The following GRID2 variants were observed in gnomAD, a reference collection of about 807,000 sequenced individuals.
GRID2 encodes glutamate ionotropic receptor delta type subunit 2.
A neutral mutation model predicts 114.8 loss-of-function variants in GRID2; 33 were observed. The ratio of observed to expected loss-of-function variants is 0.29; its 90% CI spans 0.22 to 0.38. The LOEUF is 0.38. Ranked by LOEUF, GRID2 falls within the 10% of genes least tolerant of loss-of-function variation. The pLI is 1.00. For missense variants in GRID2, 1,184 were observed against 1,257.7 expected, an observed-to-expected ratio of 0.94 and a Z score of 0.89; for synonymous variants, 505 against 449.9, an observed-to-expected ratio of 1.12 and a Z score of -1.55.
chr4:93,433,343 A>G (rs1033105529), intron 10 of GRID2, among the ~76,000 whole-genome samples: 4 of 152,184 alleles, frequency 2.6e-5, no homozygotes, highest in Non-Finnish European at 5.9e-5. Flanking sequence ...AGAAGATGCT[A>G]TTGTGAGGTT....
At chr4:92,321,258 T>G (rs1160972870) in intron 1 of GRID2, among the ~76,000 whole-genome samples, 1 of 152,126 alleles carries the variant, frequency 6.6e-6, no homozygotes, top group Non-Finnish European at 1.5e-5. Flanking sequence ...CCACCTCCCC[T>G]AGAAGACTCC....
chr4:92,645,800 T>G (rs1170926636), intron 2 of GRID2, among the ~76,000 whole-genome samples: 1 of 151,790 alleles, frequency 6.6e-6, no homozygotes, highest in Non-Finnish European at 1.5e-5. Flanking sequence ...ATTGATAGTA[T>G]TTTTTCATCA....
chr4:92,583,816 T>G lies in GRID2; in HGVS notation c.89-6315T>G, dbSNP rs1217733705. 4.0e-5 allele frequency among the ~76,000 whole-genome samples: 6 copies of G among 150,376 alleles called. No homozygotes were observed. In the East Asian group the frequency reaches 1.2e-3, roughly 29 times the overall value. ...TGTGAGTATGTAATAAATGTACCTATTTGTGCATGTGTAATATAAATATAT... is the reference window on the plus strand; with the variant it reads ...TGTGAGTATGTAATAAATGTACCTAGTTGTGCATGTGTAATATAAATATAT... On this transcript the variant is annotated intron_variant, in intron 1 of 15. Transcript: ENST00000282020.
At chr4:92,345,809 A>G (rs1163457931) in intron 1 of GRID2, among the ~76,000 whole-genome samples, 1 of 152,202 alleles carries the variant, frequency 6.6e-6, no homozygotes, top group East Asian at 1.9e-4. Flanking sequence ...CTTGTAAATT[A>G]AAACACAAAA....
chr4:92,863,989 G>C (rs947118668), intron 2 of GRID2, among the ~76,000 whole-genome samples: 1 of 152,138 alleles, frequency 6.6e-6, no homozygotes, highest in Non-Finnish European at 1.5e-5. Flanking sequence ...AGTAAATACT[G>C]TTTTATTTCC....
intron 8 of GRID2, among the ~76,000 whole-genome samples, chr4:93,278,493 T>C (rs747948219): frequency 6.6e-6 from 1 of 151,898 alleles, no homozygotes; most frequent in Non-Finnish European, 1.5e-5. Context: ...TAATGCCGAA[T>C]GGGCATGAGG....
intron 3 of GRID2, among the ~76,000 whole-genome samples, chr4:93,110,135 G>T (rs991171167): frequency 2.0e-5 from 3 of 152,062 alleles, no homozygotes; most frequent in Non-Finnish European, 2.9e-5. Flanking sequence ...AGGCAAACTT[G>T]GTATCTCCTA....
At position 92,935,209 on chromosome 4, in the gene GRID2, C is replaced by A. The variant is rs1181040513; in HGVS notation, c.245-149786C>A. ...ATTTACAAGAAAAAAACAACCCCATCAAAAAGTGGGCAAAGGACATGAACA... is the reference window on the plus strand; with the variant it reads ...ATTTACAAGAAAAAAACAACCCCATAAAAAAGTGGGCAAAGGACATGAACA... On this transcript the variant is annotated intron_variant, in intron 2 of 15. Transcript: ENST00000282020. 2.7e-5 allele frequency among the ~76,000 whole-genome samples: 4 copies of A among 146,418 alleles called. 1 individual carries two copies. The highest frequency in any genetic ancestry group is 4.9e-5 in the African/African-American group (2 of 41,096).
intron 13 of GRID2, among the ~76,000 whole-genome samples, chr4:93,594,551 G>T (rs1738826321): frequency 6.6e-6 from 1 of 152,198 alleles, no homozygotes; most frequent in Non-Finnish European, 1.5e-5. Context: ...ACAGAGGCAG[G>T]CAGGCCTCCT....
chr4:92,664,000 C>T lies in GRID2; in HGVS notation c.244+73714C>T, dbSNP rs528040732. 4.0e-5 allele frequency among the ~76,000 whole-genome samples: 6 copies of T among 151,256 alleles called. No individual in the cohort carries two copies. In the South Asian group the frequency reaches 1.2e-3, roughly 31 times the overall value. ...TCCTCTATTTAAGATGGAATCGTAT[C>T]CTCCATTTTACTTATCTTTGCTCTA... On this transcript the variant is annotated intron_variant, in intron 2 of 15. Transcript: ENST00000282020.
In GRID2 at chr4:92,718,710, C is replaced by T. The variant is rs1735664362; in HGVS notation, c.244+128424C>T. Among the ~76,000 whole-genome samples, 3 of 137,384 alleles carry T rather than the reference C, an allele frequency of 2.2e-5. No individual in the cohort carries two copies. In the Admixed American group the frequency reaches 2.6e-4, roughly 12 times the overall value. 90.1% of individuals were successfully genotyped at this position (137,384 alleles called of 152,430 possible). On this transcript the variant is annotated intron_variant, in intron 2 of 15. Transcript: ENST00000282020. The stretch of plus-strand genomic sequence containing the variant: ...CCCAGGTGATTGAGGCTGCAATGAG[C>T]CATGATAGCACCACTGCCCTTCAGC...
chr4:92,377,773 C>A lies in GRID2; in HGVS notation c.88+73029C>A, dbSNP rs141569181. On this transcript the variant is annotated intron_variant, in intron 1 of 15. Coordinates refer to ENST00000282020, the MANE Select transcript of GRID2 (RefSeq NM_001510.4). ...CACAGAGAGAGCTTGTGCAAGGAAA[C>A]CCCACCTTATAAAACCATCGGATCT... 8.5e-4 allele frequency among the ~76,000 whole-genome samples: 129 copies of A among 152,150 alleles called. 1 individual carries two copies. The highest frequency in any genetic ancestry group is 2.9e-3 in the African/African-American group (121 of 41,534).
intron 1 of GRID2, among the ~76,000 whole-genome samples, chr4:92,495,338 T>C (rs915881478): frequency 2.0e-5 from 3 of 151,948 alleles, no homozygotes; most frequent in Admixed American, 1.3e-4. Flanking sequence ...TATGGGGGAA[T>C]ACTCAACATA....
At chr4:92,965,412 A>G (rs1250568899) in intron 2 of GRID2, among the ~76,000 whole-genome samples, 2 of 135,356 alleles carry the variant, frequency 1.5e-5, no homozygotes, top group Non-Finnish European at 3.1e-5. Context: ...GTGCAAATAG[A>G]CTTGTTTGAT....
At chr4:92,946,382 A>G (rs1381974505) in intron 2 of GRID2, among the ~76,000 whole-genome samples, 1 of 152,016 alleles carries the variant, frequency 6.6e-6, no homozygotes, top group Admixed American at 6.6e-5. Context: ...AAATATGTTT[A>G]TGCAGATTTT....
At chr4:93,292,849 G>A (rs1294736136) in intron 8 of GRID2, among the ~76,000 whole-genome samples, 1 of 152,062 alleles carries the variant, frequency 6.6e-6, no homozygotes, top group African/African-American at 2.4e-5. Context: ...ACATTGGAAG[G>A]TGTAATCTTC....
At chr4:93,353,909 C>T (rs1761047399) in intron 8 of GRID2, among the ~76,000 whole-genome samples, 1 of 151,872 alleles carries the variant, frequency 6.6e-6, no homozygotes, top group South Asian at 2.1e-4. Flanking sequence ...TAAGAGTAGG[C>T]ACCTACAAAC....
chr4:93,160,759 A>C (rs2149407198), intron 4 of GRID2, among the ~76,000 whole-genome samples: 1 of 151,856 alleles, frequency 6.6e-6, no homozygotes, highest in Admixed American at 6.6e-5. Context: ...TGGGCTCATA[A>C]GTAAATTGAT....
chr4:92,558,899 A>G (rs143479328), intron 1 of GRID2, among the ~76,000 whole-genome samples: 46 of 152,272 alleles, frequency 3.0e-4, no homozygotes, highest in African/African-American at 1.1e-3. Context: ...GAGGTCAACA[A>G]AAGACGAGAC....
Sources: allele counts gnomAD v4.1 joint callset (sites outside exome capture counted in the v4.1 genomes callset), GRCh38; gene constraint gnomAD v4.1.1; transcripts MANE v1.5; gene names NCBI Gene and HGNC (gene_info 2026-07-23, HGNC 2026-07-21).